CHST12: variants seen among roughly 807,000 people sequenced by gnomAD.
CHST12 encodes carbohydrate (chondroitin 4) sulfotransferase 12.
In CHST12, 23 loss-of-function variants were observed where a neutral mutation model predicts 27.9. The ratio of observed to expected loss-of-function variants is 0.82; its 90% CI spans 0.59 to 1.17. The LOEUF (loss-of-function observed/expected upper bound fraction) is 1.17. Among genes scored for constraint, CHST12 ranks in the 50% most tolerant of loss-of-function variants. The pLI is 0.00. For missense variants in CHST12, 682 were observed against 603.0 expected (o/e 1.13, Z -1.37); for synonymous variants, 322 against 273.0 (o/e 1.18, Z -1.77).
At position 2,433,286 on chromosome 7, in the gene CHST12, TCAA is replaced by T; in HGVS notation, c.651_653del (p.Asn217del). On this transcript the variant is annotated inframe_deletion, in exon 2 of 2. Coordinates refer to ENST00000618655, the MANE Select transcript of CHST12 (RefSeq NM_018641.5). This position sits in a 1 kb window ranked among gnomAD's most constrained non-coding sequence, Gnocchi z 6.1. ...CACAACGCCAGCGCGCACCTGACCTTCAACAAGTTCTGGCGCCGCTACGGGAAG... is the reference window on the plus strand; with the variant it reads ...CACAACGCCAGCGCGCACCTGACCTTCAAGTTCTGGCGCCGCTACGGGAAG... 6.2e-7 allele frequency: 1 copy of T among 1,612,112 alleles called. No individual in the cohort carries two copies.
intron 1 of CHST12, among the ~76,000 whole-genome samples, chr7:2,415,758 G>A (rs1442143060): frequency 2.0e-5 from 3 of 151,808 alleles, no homozygotes; most frequent in Non-Finnish European, 2.9e-5. Flanking sequence ...GACTACAGGC[G>A]CCCGCCACCA....
At chr7:2,428,243 G>A (rs1208622875) in intron 1 of CHST12, among the ~76,000 whole-genome samples, 1 of 148,496 alleles carries the variant, frequency 6.7e-6, no homozygotes, top group Non-Finnish European at 1.5e-5. Context: ...CACCCAGGCT[G>A]GAGTGCAGTG....
rs1374018938 is a variant in CHST12 at position 2,439,886 on chromosome 7, A to G, written c.*6002A>G. On this transcript the variant is annotated 3_prime_UTR_variant, in exon 2 of 2. Transcript: ENST00000618655. ...CAGAGCGAGACTCCGTCTCAAAAAA[A>G]AATTTTTTTTTTTGGTAGATACGGG... is the stretch of plus-strand genomic sequence containing the variant. 3 of 151,996 alleles carry G rather than the reference A, an allele frequency of 2.0e-5. No individual in the cohort carries two copies. Among genetic ancestry groups the G allele is most frequent in the African/African-American group, 4.8e-5 (2 of 41,408 alleles). 9.4% of individuals were successfully genotyped at this position (151,996 alleles called of 1,614,324 possible).
chr7:2,421,873 ATAT>A (rs1156746426), intron 1 of CHST12, among the ~76,000 whole-genome samples: 1 of 152,008 alleles, frequency 6.6e-6, no homozygotes, highest in Non-Finnish European at 1.5e-5. Flanking sequence ...GCCCTAAAAG[ATAT>A]TATTAATACT....
At chr7:2,404,880 G>C (rs1781482800) in intron 1 of CHST12, among the ~76,000 whole-genome samples, 3 of 152,236 alleles carry the variant, frequency 2.0e-5, no homozygotes, top group African/African-American at 7.2e-5. Flanking sequence ...AGTGCAAGAT[G>C]CTAAGCTGGG....
intron 1 of CHST12, among the ~76,000 whole-genome samples, chr7:2,408,188 A>G (rs1367342603): frequency 6.6e-6 from 1 of 151,796 alleles, no homozygotes; most frequent in East Asian, 1.9e-4. Context: ...TGGCCAACAT[A>G]GTGAAACCCT....
chr7:2,423,349 G>A (rs1273393126), intron 1 of CHST12, among the ~76,000 whole-genome samples: 3 of 152,138 alleles, frequency 2.0e-5, no homozygotes, highest in East Asian at 1.9e-4. Context: ...TTGAAAGCTG[G>A]TACAGGACTG....
At chr7:2,416,121 A>G (rs554675351) in intron 1 of CHST12, among the ~76,000 whole-genome samples, 58 of 152,362 alleles carry the variant, frequency 3.8e-4, no homozygotes, top group African/African-American at 1.3e-3. Context: ...TCATCTCAGC[A>G]GCGTTCATAG....
In CHST12 at chr7:2,433,373, G is replaced by T; in HGVS notation, c.734G>T (p.Arg245Leu). Residue 245 changes from arginine (R) to leucine (L), a missense_variant, in exon 2 of 2, where the codon CGC (arginine) becomes CTC (leucine). Coordinates refer to ENST00000618655, the MANE Select transcript of CHST12 (RefSeq NM_018641.5). This position sits in a 1 kb window ranked among gnomAD's most constrained non-coding sequence, Gnocchi z 6.1. ...LKKYTKFLFV[R>L]DPFVRLISAF... ...AAGTACACCAAGTTCCTCTTCGTGC[G>T]CGACCCCTTCGTGCGCCTGATCTCC... is the stretch of plus-strand genomic sequence containing the variant. The T allele has an allele frequency of 6.2e-7, 1 of 1,610,740 alleles. No individual in the cohort carries two copies. Among genetic ancestry groups the T allele is most frequent in the Non-Finnish European group, 8.5e-7 (1 of 1,179,938 alleles).
At position 2,432,875 on chromosome 7, in the gene CHST12, A is replaced by T; in HGVS notation, c.236A>T (p.Lys79Met). Residue 79 changes from lysine to methionine, a missense_variant, in exon 2 of 2, where the codon AAG (lysine) becomes ATG (methionine). Transcript: ENST00000618655. ...GACAAGTTTCTCAGTGCTGGCGTGA[A>T]GCAGAGCGACCTTCCCAGAAAGGAG... ...FLDKFLSAGV[K>M]QSDLPRKETE... 1 of 1,613,644 alleles carries T rather than the reference A, an allele frequency of 6.2e-7. No individual in the cohort carries two copies. Among genetic ancestry groups the T allele is most frequent in the Non-Finnish European group, 8.5e-7 (1 of 1,179,894 alleles).
rs1198226499 is a variant in CHST12 at position 2,446,624 on chromosome 7, C to A, written c.*12740C>A. ...ATGTCCAGGGACCTCCCTGCTCCAG[C>A]TGGGACCTGTGGGGCTTTGTCTGTT... On this transcript the variant is annotated 3_prime_UTR_variant, in exon 2 of 2. Transcript: ENST00000618655. The A allele has an allele frequency of 1.3e-5, 2 of 153,002 alleles. No individual in the cohort carries two copies. The highest frequency in any genetic ancestry group is 2.9e-5 in the Non-Finnish European group (2 of 68,184). The allele number at this position is 153,002 out of a possible 1,614,324, so 9.5% of individuals were successfully genotyped here.
In CHST12 at chr7:2,434,131, C is replaced by CGCTCGCCT; in HGVS notation, c.*254_*255insTGCTCGCC. ...CCGCCCACCCGCCCGCCCGCTCGCC[C>CGCTCGCCT]GCTCGCCCGCTCCTGTGGTTTTTCT... On this transcript the variant is annotated 3_prime_UTR_variant, in exon 2 of 2. Transcript: ENST00000618655. The CGCTCGCCT allele has an allele frequency of 2.9e-6, 1 of 344,704 alleles. No individual in the cohort carries two copies. The highest frequency in any genetic ancestry group is 5.5e-6 in the Non-Finnish European group (1 of 180,804). The allele number at this position is 344,704 out of a possible 1,614,324, so 21.4% of individuals were successfully genotyped here.
intron 1 of CHST12, among the ~76,000 whole-genome samples, chr7:2,406,733 A>G (rs2115378920): frequency 6.6e-6 from 1 of 152,248 alleles, no homozygotes; most frequent in East Asian, 1.9e-4. Context: ...TCCCTTGCTA[A>G]CGAAGCCCGT....
chr7:2,420,384 C>G (rs577622556), intron 1 of CHST12, among the ~76,000 whole-genome samples: 2 of 152,182 alleles, frequency 1.3e-5, no homozygotes, highest in Admixed American at 1.3e-4. Context: ...GAGTAATATT[C>G]TACTACATGG....
At chr7:2,428,195 CTCTT>C (rs1217250231) in intron 1 of CHST12, among the ~76,000 whole-genome samples, 1 of 137,782 alleles carries the variant, frequency 7.3e-6, no homozygotes, top group South Asian at 2.3e-4. Flanking sequence ...CTTTCTCTCT[CTCTT>C]TTTTTTTTTT....
In CHST12 at chr7:2,445,988, C is replaced by T. The variant is rs1004771714; in HGVS notation, c.*12104C>T. The T allele has an allele frequency of 5.3e-5, 8 of 152,324 alleles. No homozygotes were observed. The highest frequency in any genetic ancestry group is 1.9e-4 in the African/African-American group (8 of 41,466). 9.4% of individuals were successfully genotyped at this position (152,324 alleles called of 1,614,324 possible). ...GGGAGACCCAGGCTGCGGTGACCCA[C>T]TGAGGCACAGGATCAGTGAGAACCC... On this transcript the variant is annotated 3_prime_UTR_variant, in exon 2 of 2. Coordinates refer to ENST00000618655, the MANE Select transcript of CHST12 (RefSeq NM_018641.5).
chr7:2,409,109 C>T (rs1450899218), intron 1 of CHST12, among the ~76,000 whole-genome samples: 4 of 152,128 alleles, frequency 2.6e-5, no homozygotes, highest in East Asian at 3.8e-4. Flanking sequence ...TACTACAAGG[C>T]GCAGCTGTGG....
At position 2,424,459 on chromosome 7, in the gene CHST12, G is replaced by C. The variant is rs557952539; in HGVS notation, c.-77-8104G>C. 1.0e-3 allele frequency among the ~76,000 whole-genome samples: 157 copies of C among 152,302 alleles called. 1 individual carries two copies. Among genetic ancestry groups the C allele is most frequent in the Non-Finnish European group, 1.8e-4 (12 of 68,032 alleles). On this transcript the variant is annotated intron_variant, in intron 1 of 1. Coordinates refer to ENST00000618655, the MANE Select transcript of CHST12 (RefSeq NM_018641.5). The stretch of plus-strand genomic sequence containing the variant: ...TTTAATGAGAATCTGTGAAGGGTCA[G>C]GCAGTGGCTTTTAGAGTCTAGTCCA...
chr7:2,410,297 G>A (rs1270276944), intron 1 of CHST12, among the ~76,000 whole-genome samples: 1 of 152,182 alleles, frequency 6.6e-6, no homozygotes, highest in African/African-American at 2.4e-5. Flanking sequence ...GAGGCAGGAC[G>A]AGGACCTCCC....
Sources: gnomAD v4.1 joint callset for allele counts (sites outside exome capture counted in the v4.1 genomes callset) on GRCh38, gnomAD v4.1.1 for gene constraint, Gnocchi (gnomAD v3.1) non-coding constraint, MANE v1.5 for transcripts, NCBI Gene and HGNC (gene_info 2026-07-23, HGNC 2026-07-21) for gene names.